LRP1B: variants seen among roughly 807,000 people sequenced by gnomAD.
The protein encoded by LRP1B is low-density lipoprotein receptor-related protein 1B.
In LRP1B, 217 loss-of-function variants were observed where a neutral mutation model predicts 556.6. That is an observed-to-expected ratio of 0.39 (90% CI 0.35 to 0.44). LRP1B has a LOEUF of 0.44. Ranked by LOEUF, LRP1B falls within the 20% of genes least tolerant of loss-of-function variation. The pLI is 1.00. For missense variants in LRP1B, 5,053 were observed against 5,620.8 expected, an observed-to-expected ratio of 0.90 and a Z score of 3.23; for synonymous variants, 2,047 against 1,865.8, an observed-to-expected ratio of 1.10 and a Z score of -2.50.
chr2:140,576,220 T>C (rs565027284), intron 43 of LRP1B, among the ~76,000 whole-genome samples: 1 of 152,162 alleles, frequency 6.6e-6, no homozygotes, highest in Non-Finnish European at 1.5e-5. Context: ...TCTCAGAAGC[T>C]TGGGGCACAA....
intron 1 of LRP1B, among the ~76,000 whole-genome samples, chr2:141,868,362 A>T (rs1698480173): frequency 6.6e-6 from 1 of 152,136 alleles, no homozygotes; most frequent in Non-Finnish European, 1.5e-5. Flanking sequence ...AATTTGAAAC[A>T]GCTATTTGTT....
At chr2:141,059,133 T>C in intron 8 of LRP1B, 79 bp from the exon 9 acceptor site, 1 of 926,812 alleles carries the variant, frequency 1.1e-6, no homozygotes, top group African/African-American at 1.7e-5. Flanking sequence ...TGCTATTTAC[T>C]AGTATGGAAA....
intron 71 of LRP1B, among the ~76,000 whole-genome samples, chr2:140,368,390 C>A (rs148186382): frequency 8.1e-4 from 123 of 151,824 alleles, no homozygotes; most frequent in African/African-American, 2.6e-3. Context: ...TTGAGAGAAG[C>A]TTTAATGCAT....
At chr2:140,250,912 A>T (rs1681384716) in intron 86 of LRP1B, among the ~76,000 whole-genome samples, 1 of 151,658 alleles carries the variant, frequency 6.6e-6, no homozygotes, top group African/African-American at 2.4e-5. Context: ...ATACAAGCCC[A>T]GCATGATCGC....
intron 20 of LRP1B, among the ~76,000 whole-genome samples, chr2:140,934,419 A>G (rs1255180392): frequency 6.6e-6 from 1 of 152,146 alleles, no homozygotes; most frequent in Non-Finnish European, 1.5e-5. Flanking sequence ...ACATCTCTCC[A>G]CCCAGACAAC....
At chr2:140,447,337 G>A (rs2105309047) in intron 63 of LRP1B, among the ~76,000 whole-genome samples, 1 of 151,730 alleles carries the variant, frequency 6.6e-6, no homozygotes, top group East Asian at 1.9e-4. Flanking sequence ...AGAAGATATT[G>A]GAGGTTCAGT....
chr2:141,697,562 ACAAT>A (rs1691773968), intron 2 of LRP1B, among the ~76,000 whole-genome samples: 1 of 152,006 alleles, frequency 6.6e-6, no homozygotes, highest in South Asian at 2.1e-4. Context: ...TGTAAAGATA[ACAAT>A]CAATTAGGAT....
At chr2:142,027,069 C>T (rs533584235) in intron 1 of LRP1B, among the ~76,000 whole-genome samples, 1 of 151,940 alleles carries the variant, frequency 6.6e-6, no homozygotes, top group African/African-American at 2.4e-5. Context: ...GAAAGGTCAC[C>T]CTTACTCAGA....
At chr2:140,671,139 A>T (rs1464728223) in intron 41 of LRP1B, among the ~76,000 whole-genome samples, 2 of 152,242 alleles carry the variant, frequency 1.3e-5, no homozygotes, top group African/African-American at 2.4e-5. Flanking sequence ...TACAATTATA[A>T]AGGTCAGAAG....
rs1052084135 is a variant in LRP1B, at chr2:141,032,757, C to T, written c.1790-12655G>A. On this transcript the variant is annotated intron_variant, in intron 11 of 90. Coordinates refer to ENST00000389484, the MANE Select transcript of LRP1B (RefSeq NM_018557.3). ...TTCATGTTTTCACTTGCTCATAATG[C>T]CTTTTTCATAGAAATGTGTTTTCTA... Among the ~76,000 whole-genome samples the T allele has an allele frequency of 1.4e-4, 20 of 145,338 alleles. No individual in the cohort carries two copies. In the East Asian group the frequency reaches 2.1e-3, roughly 15 times the overall value.
chr2:140,457,305 C>T (rs895039149), intron 61 of LRP1B, among the ~76,000 whole-genome samples, 158 bp downstream of exon 61: 2 of 152,224 alleles, frequency 1.3e-5, no homozygotes, highest in African/African-American at 2.4e-5. Context: ...AAGAGCAGTA[C>T]TTCATATTGA....
chr2:141,205,770 T>C (rs1422256318), intron 6 of LRP1B, among the ~76,000 whole-genome samples: 1 of 152,172 alleles, frequency 6.6e-6, no homozygotes, highest in Non-Finnish European at 1.5e-5. Context: ...TAACTAGAAA[T>C]GGTTTCTGTT....
intron 1 of LRP1B, among the ~76,000 whole-genome samples, chr2:142,107,180 A>C (rs1706775919): frequency 6.6e-6 from 1 of 152,198 alleles, no homozygotes; most frequent in Non-Finnish European, 1.5e-5. Context: ...GTTAAAATAA[A>C]ATTATACTGC....
intron 1 of LRP1B, among the ~76,000 whole-genome samples, chr2:141,978,950 A>G (rs1701967651): frequency 6.6e-6 from 1 of 152,026 alleles, no homozygotes; most frequent in African/African-American, 2.4e-5. Flanking sequence ...TTCTGATAAG[A>G]AAACTGACCA....
At chr2:141,024,527 C>T (rs931096615) in intron 11 of LRP1B, among the ~76,000 whole-genome samples, 1 of 151,920 alleles carries the variant, frequency 6.6e-6, no homozygotes, top group South Asian at 2.1e-4. Context: ...GTTATTTTAT[C>T]TTTGATACAA....
chr2:142,119,324 A>C (rs541210135), intron 1 of LRP1B, among the ~76,000 whole-genome samples: 3 of 152,190 alleles, frequency 2.0e-5, no homozygotes, highest in Non-Finnish European at 4.4e-5. Flanking sequence ...ACAATGCTGC[A>C]GGTCCAGCAA....
chr2:140,400,716 G>A (rs1684459795), intron 66 of LRP1B, among the ~76,000 whole-genome samples: 1 of 152,070 alleles, frequency 6.6e-6, no homozygotes, highest in African/African-American at 2.4e-5. Flanking sequence ...GAACTTAATA[G>A]GAAAACCAAA....
At chr2:140,566,849 T>C (rs1681145480) in intron 43 of LRP1B, among the ~76,000 whole-genome samples, 1 of 152,112 alleles carries the variant, frequency 6.6e-6, no homozygotes. Context: ...CTGACTCCTA[T>C]GAAATGGGGG....
intron 43 of LRP1B, among the ~76,000 whole-genome samples, chr2:140,590,765 T>C (rs1682190138): frequency 6.6e-6 from 1 of 152,150 alleles, no homozygotes; most frequent in African/African-American, 2.4e-5. Context: ...AGCCACCCAG[T>C]CTAAAGTATT....
Sources: gnomAD v4.1 joint callset for allele counts (sites outside exome capture counted in the v4.1 genomes callset) on GRCh38, gnomAD v4.1.1 for gene constraint, MANE v1.5 for transcripts, NCBI Gene and HGNC (gene_info 2026-07-23, HGNC 2026-07-21) for gene names.